The following GABRG3 variants were observed in gnomAD, a reference collection of about 807,000 sequenced individuals.
GABRG3 encodes gamma-aminobutyric acid type A receptor subunit gamma3, also known as gamma-aminobutyric acid receptor subunit gamma-3.
Under a neutral mutation model 48.8 loss-of-function variants are expected in GABRG3, and 25 were observed. That is an observed-to-expected ratio of 0.51 (90% CI 0.37 to 0.72). GABRG3 has a LOEUF of 0.72. Among genes scored for constraint, GABRG3 ranks in the 30% least tolerant of loss-of-function variants. GABRG3 has a pLI of 0.00. For missense variants in GABRG3, 394 were observed against 577.9 expected (o/e 0.68, Z 3.26); for synonymous variants, 227 against 217.6 (o/e 1.04, Z -0.38).
intron 5 of GABRG3, among the ~76,000 whole-genome samples, chr15:27,446,380 C>G (rs1445581880): frequency 6.6e-6 from 1 of 152,130 alleles, no homozygotes; most frequent in Non-Finnish European, 1.5e-5. Context: ...TGTCCTAACA[C>G]CAGACCGACC....
intron 3 of GABRG3, among the ~76,000 whole-genome samples, chr15:27,184,213 T>C (rs1478918441): frequency 5.3e-5 from 8 of 152,158 alleles, no homozygotes; most frequent in African/African-American, 1.7e-4. Flanking sequence ...AAACTAATGA[T>C]AGATCAAGGA....
At chr15:27,278,543 T>C (rs575109923) in intron 3 of GABRG3, among the ~76,000 whole-genome samples, 19 of 152,240 alleles carry the variant, frequency 1.2e-4, no homozygotes, top group Admixed American at 1.2e-3. Context: ...TGAATTGAAT[T>C]GTATATTAGG....
chr15:27,257,947 C>T (rs1048469223), intron 3 of GABRG3, among the ~76,000 whole-genome samples: 3 of 151,842 alleles, frequency 2.0e-5, no homozygotes, highest in African/African-American at 7.3e-5. Flanking sequence ...TTGTGCCCAG[C>T]GTGAGGTCTT....
At chr15:26,984,754 T>G (rs2140641345) in intron 2 of GABRG3, among the ~76,000 whole-genome samples, 1 of 152,152 alleles carries the variant, frequency 6.6e-6, no homozygotes, top group South Asian at 2.1e-4. Context: ...TCAAGAAACT[T>G]AAACCACTCT....
At chr15:27,117,338 C>G (rs150514517) in intron 3 of GABRG3, among the ~76,000 whole-genome samples, 1 of 152,298 alleles carries the variant, frequency 6.6e-6, no homozygotes, top group East Asian at 1.9e-4. Context: ...GTCTTCTCCT[C>G]TGGAGCCGAA....
intron 5 of GABRG3, among the ~76,000 whole-genome samples, chr15:27,463,024 A>T (rs961713327): frequency 5.3e-5 from 8 of 152,204 alleles, no homozygotes; most frequent in African/African-American, 1.9e-4. Context: ...GTAAAAGTTA[A>T]TATTATTGTT....
At chr15:27,316,336 C>A (rs376831048) in intron 3 of GABRG3, among the ~76,000 whole-genome samples, 1 of 139,782 alleles carries the variant, frequency 7.2e-6, no homozygotes, top group Non-Finnish European at 1.5e-5. Context: ...TGCAGTGAGC[C>A]GAGATCCCGC....
At chr15:27,410,345 A>C (rs1336931167) in intron 5 of GABRG3, among the ~76,000 whole-genome samples, 1 of 152,118 alleles carries the variant, frequency 6.6e-6, no homozygotes, top group Non-Finnish European at 1.5e-5. Context: ...AAAAGATACT[A>C]TAGTTTTTTT....
At chr15:27,297,194 CAAAA>C (rs2140490344) in intron 3 of GABRG3, among the ~76,000 whole-genome samples, 1 of 152,110 alleles carries the variant, frequency 6.6e-6, no homozygotes, top group African/African-American at 2.4e-5. Flanking sequence ...CTAGATATAA[CAAAA>C]GAGTCAAAAA....
intron 3 of GABRG3, among the ~76,000 whole-genome samples, chr15:27,112,546 T>G (rs941374705): frequency 5.9e-5 from 9 of 151,662 alleles, no homozygotes; most frequent in African/African-American, 1.9e-4. Context: ...GTTCAAGCGA[T>G]TCTCCTGCCT....
chr15:27,450,213 T>C (rs1889068796), intron 5 of GABRG3, among the ~76,000 whole-genome samples: 1 of 152,216 alleles, frequency 6.6e-6, no homozygotes, highest in Non-Finnish European at 1.5e-5. Context: ...CCGTCATTTT[T>C]TTCGTGTTTA....
intron 3 of GABRG3, among the ~76,000 whole-genome samples, chr15:27,306,566 A>C (rs1197048488): frequency 0.011 from 475 of 41,336 alleles, 8 homozygotes; most frequent in East Asian, 0.038. Context: ...TAATATAAAC[A>C]TATATGTTTA....
At chr15:27,324,596 T>A (rs569225469) in intron 3 of GABRG3, among the ~76,000 whole-genome samples, 1 of 152,356 alleles carries the variant, frequency 6.6e-6, no homozygotes, top group South Asian at 2.1e-4. Context: ...CATTTGCCCA[T>A]GAAAGACAGG....
intron 3 of GABRG3, among the ~76,000 whole-genome samples, chr15:27,313,043 A>AT (rs1349728158): frequency 6.7e-6 from 1 of 149,848 alleles, no homozygotes; most frequent in Non-Finnish European, 1.5e-5. Flanking sequence ...TGGAAAAAAA[A>AT]AACTCCATGC....
At chr15:27,491,507 TCTA>T in intron 6 of GABRG3, among the ~76,000 whole-genome samples, 1 of 152,184 alleles carries the variant, frequency 6.6e-6, no homozygotes, top group Non-Finnish European at 1.5e-5. Context: ...ACCAAAAAAT[TCTA>T]CTACCACCTT....
chr15:27,014,370 G>A (rs1895741424), intron 2 of GABRG3, among the ~76,000 whole-genome samples: 1 of 148,484 alleles, frequency 6.7e-6, no homozygotes, highest in African/African-American at 2.5e-5. Context: ...GTTTTTTGAG[G>A]GTGTAAACTT....
At chr15:27,048,703 T>C (rs547592808) in intron 3 of GABRG3, among the ~76,000 whole-genome samples, 111 of 152,280 alleles carry the variant, frequency 7.3e-4, no homozygotes, top group Non-Finnish European at 1.1e-3. Context: ...TCAATGACGA[T>C]TTGAAATTTC....
intron 3 of GABRG3, among the ~76,000 whole-genome samples, chr15:27,146,639 A>T (rs1467540894): frequency 6.6e-6 from 1 of 152,166 alleles, no homozygotes; most frequent in Non-Finnish European, 1.5e-5. Context: ...AGTTGGTATG[A>T]TAATAGCACA....
chr15:27,031,006 C>T (rs1180756225), intron 3 of GABRG3, among the ~76,000 whole-genome samples: 2 of 151,868 alleles, frequency 1.3e-5, no homozygotes, highest in African/African-American at 4.8e-5. Flanking sequence ...TTTAGGTTTA[C>T]ATAAAAATTG....
Sources: gnomAD v4.1 joint callset for allele counts (sites outside exome capture counted in the v4.1 genomes callset) on GRCh38, gnomAD v4.1.1 for gene constraint, MANE v1.5 for transcripts, NCBI Gene and HGNC (gene_info 2026-07-23, HGNC 2026-07-21) for gene names.